RBFOX1: variants seen among roughly 807,000 people sequenced by gnomAD.
The protein encoded by RBFOX1 is RNA binding protein fox-1 homolog 1.
RBFOX1 carries 8 observed loss-of-function variants against 57.7 expected under a neutral mutation model. That is an observed-to-expected ratio of 0.14 (90% CI 0.08 to 0.25). RBFOX1 has a LOEUF of 0.25. Ranked by LOEUF, RBFOX1 falls within the 10% of genes least tolerant of loss-of-function variation. The pLI is 1.00. For synonymous variants in RBFOX1, 326 were observed against 222.4 expected (o/e 1.47, Z -4.15); for missense variants, 611 against 548.5 (o/e 1.11, Z -1.14).
At chr16:6,940,658 C>T (rs1161028292) in intron 3 of RBFOX1, among the ~76,000 whole-genome samples, 1 of 152,058 alleles carries the variant, frequency 6.6e-6, no homozygotes, top group Non-Finnish European at 1.5e-5. Context: ...AGTGGAGCGA[C>T]GCGATCTCAG....
At chr16:6,051,834 G>T (rs2095555251) in intron 1 of RBFOX1, among the ~76,000 whole-genome samples, 1 of 152,184 alleles carries the variant, frequency 6.6e-6, no homozygotes, top group Admixed American at 6.5e-5. Flanking sequence ...AAACTGCTGG[G>T]ATTACAGGCA....
intron 2 of RBFOX1, among the ~76,000 whole-genome samples, chr16:6,555,879 A>G (rs1359775690): frequency 6.6e-6 from 1 of 152,118 alleles, no homozygotes; most frequent in African/African-American, 2.4e-5. Context: ...TTATTAGTCA[A>G]TTCTCATTAA....
intron 3 of RBFOX1, among the ~76,000 whole-genome samples, chr16:5,679,873 T>A: frequency 6.6e-6 from 1 of 152,194 alleles, no homozygotes; most frequent in East Asian, 1.9e-4. Flanking sequence ...AAAGTACAGT[T>A]CATAGTGAGC....
At chr16:5,432,559 G>GTTTTTTTTTTTTTTTTTTTTTTT (rs35344614) in intron 1 of RBFOX1, among the ~76,000 whole-genome samples, 11 of 94,210 alleles carry the variant, frequency 1.2e-4, no homozygotes, top group Non-Finnish European at 1.8e-4. Flanking sequence ...TTGTTTGTTT[G>GTTTTTTTTTTTTTTTTTTTTTTT]TTTTTTTTTT....
intron 3 of RBFOX1, among the ~76,000 whole-genome samples, chr16:6,660,438 G>C (rs2098693973): frequency 6.6e-6 from 1 of 152,080 alleles, no homozygotes; most frequent in African/African-American, 2.4e-5. Flanking sequence ...GTAATGGTTA[G>C]TAGCTCAGAC....
chr16:5,904,628 G>T (rs773105404), intron 4 of RBFOX1, among the ~76,000 whole-genome samples: 1 of 151,936 alleles, frequency 6.6e-6, no homozygotes, highest in African/African-American at 2.4e-5. Flanking sequence ...CTATGTTGAG[G>T]TCTTTGCCCT....
intron 3 of RBFOX1, among the ~76,000 whole-genome samples, chr16:5,706,348 C>T (rs1022451770): frequency 1.3e-5 from 2 of 152,148 alleles, no homozygotes; most frequent in African/African-American, 4.8e-5. Flanking sequence ...AATACAGTTC[C>T]AAGCAAGCTG....
At chr16:6,674,052 G>C (rs1390386360) in intron 3 of RBFOX1, among the ~76,000 whole-genome samples, 1 of 152,086 alleles carries the variant, frequency 6.6e-6, no homozygotes, top group African/African-American at 2.4e-5. Context: ...GATTACCCTA[G>C]GAAATAAGTA....
intron 3 of RBFOX1, among the ~76,000 whole-genome samples, chr16:6,979,539 G>T (rs903340729): frequency 2.0e-5 from 3 of 152,114 alleles, no homozygotes; most frequent in Non-Finnish European, 4.4e-5. Context: ...TCTTCAATTG[G>T]ATACAGCAAT....
At chr16:6,841,339 T>C (rs976416525) in intron 3 of RBFOX1, among the ~76,000 whole-genome samples, 2 of 152,186 alleles carry the variant, frequency 1.3e-5, no homozygotes, top group Admixed American at 1.3e-4. Flanking sequence ...CAAACATGCA[T>C]TGAAGAATGT....
intron 3 of RBFOX1, among the ~76,000 whole-genome samples, chr16:7,043,743 T>G (rs2046948439): frequency 6.6e-6 from 1 of 152,230 alleles, no homozygotes; most frequent in Admixed American, 6.5e-5. Context: ...GTCTTCTGTT[T>G]CTTTGGACTC....
chr16:5,284,656 C>T (rs1488563686), intron 1 of RBFOX1, among the ~76,000 whole-genome samples: 1 of 150,392 alleles, frequency 6.6e-6, no homozygotes, highest in African/African-American at 2.4e-5. Context: ...ATCTTCCTGC[C>T]TCAGTCTTCT....
chr16:6,986,551 C>T (rs1354182271), intron 3 of RBFOX1, among the ~76,000 whole-genome samples: 1 of 152,168 alleles, frequency 6.6e-6, no homozygotes, highest in Admixed American at 6.6e-5. Context: ...CTTGGCTTCC[C>T]AAAGTGCTGG....
intron 3 of RBFOX1, among the ~76,000 whole-genome samples, chr16:5,862,567 G>T (rs2057248217): frequency 1.3e-5 from 2 of 152,308 alleles, no homozygotes; most frequent in South Asian, 2.1e-4. Context: ...GTTTTTGGAT[G>T]GGAGCATTGC....
chr16:7,193,358 A>G (rs578008651), intron 4 of RBFOX1, among the ~76,000 whole-genome samples: 15 of 152,354 alleles, frequency 9.8e-5, no homozygotes, highest in Admixed American at 9.1e-4. Context: ...CCTCCAGAAA[A>G]GAACATGCCC....
intron 3 of RBFOX1, among the ~76,000 whole-genome samples, chr16:6,805,290 A>C (rs1262176136): frequency 1.3e-5 from 2 of 152,186 alleles, no homozygotes; most frequent in East Asian, 1.9e-4. Context: ...TGACAGGAAC[A>C]AAAAAACAAA....
intron 3 of RBFOX1, among the ~76,000 whole-genome samples, chr16:6,962,147 A>T (rs2083154647): frequency 6.6e-6 from 1 of 152,076 alleles, no homozygotes. Flanking sequence ...TTGATAGGAG[A>T]ATCCCTCCTT....
rs185503439 is a variant in RBFOX1, at chr16:7,606,939, C to G, written c.623-346C>G. 2.6e-3 allele frequency among the ~76,000 whole-genome samples: 402 copies of G among 152,106 alleles called. 1 individual carries two copies. The highest frequency in any genetic ancestry group is 9.2e-3 in the African/African-American group (380 of 41,488). ...AATGCAGAGGGGTGTGATGGATTAT[C>G]TAGCAGTGATATATAAAATAAGAAA... On this transcript the variant is annotated intron_variant, in intron 9 of 15. Transcript: ENST00000550418.
At chr16:6,307,788 ATTG>A (rs1304811181) in intron 1 of RBFOX1, among the ~76,000 whole-genome samples, 2 of 146,500 alleles carry the variant, frequency 1.4e-5, no homozygotes, top group African/African-American at 2.5e-5. Flanking sequence ...GTTTATTTAG[ATTG>A]TTATTTACAT....
Sources: allele counts gnomAD v4.1 joint callset (sites outside exome capture counted in the v4.1 genomes callset), GRCh38; gene constraint gnomAD v4.1.1; transcripts MANE v1.5; gene names NCBI Gene and HGNC (gene_info 2026-07-23, HGNC 2026-07-21).